Variants in ARHGAP10 observed in about 807,000 individuals in gnomAD.
ARHGAP10 encodes Rho GTPase activating protein 10, also known as rho GTPase-activating protein 10.
ARHGAP10 carries 87 observed loss-of-function variants against 108.6 expected under a neutral mutation model. That is an observed-to-expected ratio of 0.80 (90% CI 0.67 to 0.96). ARHGAP10 has a LOEUF of 0.96. Among genes scored for constraint, ARHGAP10 ranks in the 40% least tolerant of loss-of-function variants. The probability of loss-of-function intolerance (pLI) is 0.00; values close to 1 mark genes in which losing one functional copy is unlikely to be tolerated. For missense variants in ARHGAP10, 939 were observed against 954.5 expected (o/e 0.98, Z 0.21); for synonymous variants, 347 against 341.1 (o/e 1.02, Z -0.19).
chr4:147,925,540 C>T (rs942017377), intron 13 of ARHGAP10, among the ~76,000 whole-genome samples: 2 of 152,146 alleles, frequency 1.3e-5, no homozygotes, highest in African/African-American at 4.8e-5. Context: ...TTAATACTTA[C>T]CTATGCCTGG....
chr4:147,959,708 A>G (rs1202038132), intron 16 of ARHGAP10, among the ~76,000 whole-genome samples: 1 of 152,044 alleles, frequency 6.6e-6, no homozygotes, highest in Non-Finnish European at 1.5e-5. Flanking sequence ...CATCCTTTTT[A>G]ATGGTTGCAT....
intron 13 of ARHGAP10, among the ~76,000 whole-genome samples, chr4:147,914,039 C>T (rs963492547): frequency 6.6e-6 from 1 of 152,106 alleles, no homozygotes; most frequent in Non-Finnish European, 1.5e-5. Flanking sequence ...ATAATCGCGG[C>T]TACTCGGGAG....
intron 13 of ARHGAP10, among the ~76,000 whole-genome samples, chr4:147,937,013 C>T (rs1737977952): frequency 1.3e-5 from 2 of 152,298 alleles, no homozygotes; most frequent in South Asian, 2.1e-4. Flanking sequence ...AGGTTTTGTA[C>T]TCCTTATGAG....
chr4:147,796,895 C>T (rs1201835437), intron 1 of ARHGAP10, among the ~76,000 whole-genome samples: 3 of 152,158 alleles, frequency 2.0e-5, no homozygotes, highest in African/African-American at 4.8e-5. Context: ...GTAAAAACCT[C>T]GTTCTTGTCT....
rs116648976 is a variant in ARHGAP10, at chr4:147,874,696, C to T, written c.703-325C>T. ...ATTAAAACCTAACTTATGTTTTAAA[C>T]CTAAAATTTAGTAATAGTGTGAGAC... On this transcript the variant is annotated intron_variant, in intron 7 of 22. Coordinates refer to ENST00000336498, the MANE Select transcript of ARHGAP10 (RefSeq NM_024605.4). Among the ~76,000 whole-genome samples the T allele has an allele frequency of 9.9e-3, 1,512 of 152,196 alleles. 24 individuals are homozygous for T. Among genetic ancestry groups the T allele is most frequent in the African/African-American group, 0.033 (1,383 of 41,514 alleles).
intron 3 of ARHGAP10, among the ~76,000 whole-genome samples, chr4:147,831,967 A>G (rs888473560): frequency 1.8e-4 from 27 of 152,162 alleles, no homozygotes; most frequent in African/African-American, 6.5e-4. Flanking sequence ...CCTTGTCATC[A>G]TCAGATTCTA....
At chr4:147,896,438 A>G (rs1454739867) in intron 10 of ARHGAP10, among the ~76,000 whole-genome samples, 1 of 152,152 alleles carries the variant, frequency 6.6e-6, no homozygotes, top group Non-Finnish European at 1.5e-5. Context: ...GTGGTTTTCA[A>G]GGAATTTATT....
rs185153397 is a variant in ARHGAP10, at chr4:147,953,142, T to C, written c.1392-2174T>C. On this transcript the variant is annotated intron_variant, in intron 15 of 22. Coordinates refer to ENST00000336498, the MANE Select transcript of ARHGAP10 (RefSeq NM_024605.4). Reference sequence around the variant, plus strand: ...ACCCAACTTATGATATATTATTTTATTTATCTTGTGGAATTTGATTTAGTA... The same window carrying C: ...ACCCAACTTATGATATATTATTTTACTTATCTTGTGGAATTTGATTTAGTA... 1.4e-3 allele frequency among the ~76,000 whole-genome samples: 214 copies of C among 152,130 alleles called. 1 individual carries two copies. The highest frequency in any genetic ancestry group is 4.5e-3 in the African/African-American group (189 of 41,564).
At chr4:147,948,001 C>T (rs971562055) in intron 15 of ARHGAP10, among the ~76,000 whole-genome samples, 13 of 148,024 alleles carry the variant, frequency 8.8e-5, no homozygotes, top group African/African-American at 3.0e-4. Context: ...AGTGCGATGG[C>T]ACAATCTTGG....
chr4:147,738,150 C>T (rs1013962978), intron 1 of ARHGAP10, among the ~76,000 whole-genome samples: 1 of 151,888 alleles, frequency 6.6e-6, no homozygotes, highest in Non-Finnish European at 1.5e-5. Context: ...AGAGCATAAG[C>T]TGAGGTACTA....
At chr4:147,784,974 TTA>T (rs1730821170) in intron 1 of ARHGAP10, among the ~76,000 whole-genome samples, 1 of 135,310 alleles carries the variant, frequency 7.4e-6, no homozygotes, top group Admixed American at 8.5e-5. Flanking sequence ...ATGAAATATG[TTA>T]TATTTTAAAA....
intron 20 of ARHGAP10, among the ~76,000 whole-genome samples, chr4:148,049,795 G>GTTTTTT (rs150272022): frequency 2.3e-5 from 3 of 132,566 alleles, no homozygotes; most frequent in South Asian, 2.4e-4. Flanking sequence ...TCATAAAATT[G>GTTTTTT]TTTTTTTTGT....
chr4:147,965,193 G>A lies in ARHGAP10; in HGVS notation c.1556+64G>A, dbSNP rs554401139. On this transcript the variant is annotated intron_variant, in intron 17 of 22. Coordinates refer to ENST00000336498, the MANE Select transcript of ARHGAP10 (RefSeq NM_024605.4). ...GCTCTAGGTGCTGGGTAGTGCTCTG[G>A]GATTTGTGACGGGTGGAACTGGGGA... The A allele has an allele frequency of 1.4e-5, 18 of 1,304,758 alleles. No individual in the cohort carries two copies. In the South Asian group the frequency reaches 2.6e-4, roughly 19 times the overall value. 80.8% of individuals were successfully genotyped at this position (1,304,758 alleles called of 1,614,324 possible).
chr4:147,758,409 A>G (rs72953485), intron 1 of ARHGAP10, among the ~76,000 whole-genome samples: 1,742 of 152,318 alleles, frequency 0.011, 23 homozygotes, highest in African/African-American at 0.037. Flanking sequence ...TGTATAATCA[A>G]TGGCTTTTAG....
intron 19 of ARHGAP10, among the ~76,000 whole-genome samples, chr4:148,039,142 A>G (rs756176487): frequency 6.6e-6 from 1 of 152,132 alleles, no homozygotes. Flanking sequence ...TTAAAAGACA[A>G]CAATGGACAT....
intron 1 of ARHGAP10, among the ~76,000 whole-genome samples, chr4:147,790,747 C>T (rs1013765717): frequency 6.6e-6 from 1 of 152,150 alleles, no homozygotes; most frequent in Non-Finnish European, 1.5e-5. Flanking sequence ...ATCAAGTTTC[C>T]TTCTGGTCGT....
At chr4:147,858,232 A>C (rs969555297) in intron 5 of ARHGAP10, 2 of 152,112 alleles carry the variant, frequency 1.3e-5, no homozygotes, top group Non-Finnish European at 2.9e-5. Context: ...TGTTTCTCTC[A>C]CTCACACACT....
intron 19 of ARHGAP10, among the ~76,000 whole-genome samples, chr4:148,037,479 A>G (rs551273667): frequency 6.6e-5 from 10 of 152,310 alleles, no homozygotes; most frequent in Middle Eastern, 3.4e-3. Context: ...TTTGACCTGT[A>G]TGTACCACAT....
intron 1 of ARHGAP10, among the ~76,000 whole-genome samples, chr4:147,809,792 G>A (rs763307366): frequency 1.1e-4 from 16 of 152,150 alleles, no homozygotes; most frequent in South Asian, 2.1e-4. Context: ...AGTGTGCAAC[G>A]TAGATCCCTC....
Sources: allele counts gnomAD v4.1 joint callset (sites outside exome capture counted in the v4.1 genomes callset), GRCh38; gene constraint gnomAD v4.1.1; transcripts MANE v1.5; gene names NCBI Gene and HGNC (gene_info 2026-07-23, HGNC 2026-07-21).